The following DGKB variants were observed in gnomAD, a reference collection of about 807,000 sequenced individuals.
DGKB encodes diacylglycerol kinase beta.
Under a neutral mutation model 114.3 loss-of-function variants are expected in DGKB, and 67 were observed. The observed-to-expected ratio is 0.59, with a 90% CI of 0.48 to 0.72. The LOEUF is 0.72. Among genes scored for constraint, DGKB ranks in the 30% least tolerant of loss-of-function variants. DGKB has a pLI of 0.00. For missense variants in DGKB, 907 were observed against 975.2 expected (o/e 0.93, Z 0.93); for synonymous variants, 398 against 323.1 (o/e 1.23, Z -2.49).
intron 1 of DGKB, among the ~76,000 whole-genome samples, chr7:14,850,053 G>C (rs1419232543): frequency 6.6e-6 from 1 of 152,096 alleles, no homozygotes; most frequent in Non-Finnish European, 1.5e-5. Flanking sequence ...TGTCAAAAAA[G>C]ACAACAGAAG....
chr7:14,289,744 CA>C (rs3067647), intron 23 of DGKB, among the ~76,000 whole-genome samples: 3,117 of 126,720 alleles, frequency 0.025, 97 homozygotes, highest in African/African-American at 0.082. Context: ...AGACATGGAC[CA>C]AAAAAAAAAA....
chr7:14,399,847 T>C (rs1822811989), intron 21 of DGKB, among the ~76,000 whole-genome samples: 1 of 151,786 alleles, frequency 6.6e-6, no homozygotes, highest in African/African-American at 2.4e-5. Flanking sequence ...TCTAACAAAA[T>C]GACAAAATGA....
rs184848150 is a variant in DGKB at position 14,547,763 on chromosome 7, A to G, written c.1770+26449T>C. 3.2e-3 allele frequency among the ~76,000 whole-genome samples: 488 copies of G among 152,290 alleles called. 3 individuals carry two copies. The highest frequency in any genetic ancestry group is 0.011 in the African/African-American group (462 of 41,562). Reference sequence around the variant, plus strand: ...AACACATGACAGCTAAAAGCAGGTAAGATTAAATTAGCTATGGAACATTGA... The same window carrying G: ...AACACATGACAGCTAAAAGCAGGTAGGATTAAATTAGCTATGGAACATTGA... On this transcript the variant is annotated intron_variant, in intron 20 of 25. Coordinates refer to ENST00000402815, the MANE Select transcript of DGKB (RefSeq NM_001350709.2).
intron 21 of DGKB, among the ~76,000 whole-genome samples, chr7:14,474,775 A>G (rs998406105): frequency 3.3e-5 from 5 of 151,994 alleles, no homozygotes. Flanking sequence ...AATATTTTAA[A>G]TACCAATATT....
intron 2 of DGKB, among the ~76,000 whole-genome samples, chr7:14,839,407 C>CTTTTTTTT (rs911581318): frequency 7.6e-6 from 1 of 130,948 alleles, no homozygotes; most frequent in Non-Finnish European, 1.6e-5. Context: ...TCTTCTTCTT[C>CTTTTTTTT]TTTTTTTTTT....
Position 14,516,968 on chromosome 7 carries a change from A to G in DGKB, c.1771-38743T>C, listed in dbSNP as rs1195119543. Among the ~76,000 whole-genome samples, 7 of 152,260 alleles carry G rather than the reference A, an allele frequency of 4.6e-5. No homozygotes were observed. The East Asian group carries it at 1.4e-3, about 29-fold the overall frequency. On this transcript the variant is annotated intron_variant, in intron 20 of 25. Transcript: ENST00000402815. ...TAGAAAAAAAAAATTTTAAATTCAT[A>G]CAGAACCAAAAAAGAACCTTAATAG...
chr7:14,664,055 T>A (rs1320501509), intron 13 of DGKB, among the ~76,000 whole-genome samples: 2 of 151,930 alleles, frequency 1.3e-5, no homozygotes, highest in Non-Finnish European at 2.9e-5. Context: ...TTCATTACTG[T>A]CAAGTAATAA....
chr7:14,549,140 G>C (rs1206980205), intron 20 of DGKB, among the ~76,000 whole-genome samples: 1 of 152,158 alleles, frequency 6.6e-6, no homozygotes, highest in African/African-American at 2.4e-5. Flanking sequence ...TAAGACTTGA[G>C]AGAGTGTAAG....
chr7:14,470,112 A>G (rs1192509828), intron 21 of DGKB, among the ~76,000 whole-genome samples: 1 of 151,912 alleles, frequency 6.6e-6, no homozygotes, highest in Non-Finnish European at 1.5e-5. Context: ...TTTCTTCTTT[A>G]AAAACACATC....
intron 1 of DGKB, among the ~76,000 whole-genome samples, chr7:14,854,932 C>G (rs1002383389): frequency 3.4e-4 from 52 of 151,988 alleles, no homozygotes; most frequent in African/African-American, 1.2e-3. Context: ...AAAAAATGAA[C>G]AAATTCTGAA....
intron 13 of DGKB, among the ~76,000 whole-genome samples, chr7:14,651,650 G>A (rs1238661132): frequency 1.4e-5 from 2 of 146,012 alleles, no homozygotes; most frequent in Non-Finnish European, 3.0e-5. Context: ...TCTGGCCAGG[G>A]CAATTAGGCA....
intron 21 of DGKB, among the ~76,000 whole-genome samples, chr7:14,446,111 G>A (rs1024849207): frequency 6.6e-6 from 1 of 151,966 alleles, no homozygotes; most frequent in Non-Finnish European, 1.5e-5. Context: ...GCAATCTCTT[G>A]TTTAGTCAAT....
chr7:14,183,499 A>G (rs1782942318), intron 23 of DGKB, among the ~76,000 whole-genome samples: 1 of 152,234 alleles, frequency 6.6e-6, no homozygotes, highest in South Asian at 2.1e-4. Context: ...TTGTAGGTCT[A>G]TTAATAAAGG....
At chr7:14,974,357 G>C (rs1787668506) in intron 1 of DGKB, among the ~76,000 whole-genome samples, 1 of 152,026 alleles carries the variant, frequency 6.6e-6, no homozygotes, top group Non-Finnish European at 1.5e-5. Context: ...ACAACAAAAA[G>C]ATTTTAAATC....
intron 20 of DGKB, among the ~76,000 whole-genome samples, chr7:14,484,266 A>T (rs1007285704): frequency 1.3e-5 from 2 of 152,172 alleles, no homozygotes; most frequent in Non-Finnish European, 2.9e-5. Flanking sequence ...AAAACTCTAG[A>T]GGTAAAAATT....
intron 23 of DGKB, among the ~76,000 whole-genome samples, chr7:14,264,023 T>C (rs781119694): frequency 3.9e-5 from 6 of 152,100 alleles, no homozygotes; most frequent in Non-Finnish European, 5.9e-5. Context: ...GTTTGAAGTT[T>C]GTAGAGGGAG....
At chr7:14,321,938 T>C (rs1330172317) in intron 23 of DGKB, among the ~76,000 whole-genome samples, 2 of 152,318 alleles carry the variant, frequency 1.3e-5, no homozygotes, top group East Asian at 3.9e-4. Flanking sequence ...ACTGTAAAAA[T>C]GCCAATTGTC....
In DGKB at chr7:14,419,451, C is replaced by T. The variant is rs566036044; in HGVS notation, c.1835+58710G>A. Among the ~76,000 whole-genome samples the T allele has an allele frequency of 1.4e-4, 22 of 151,838 alleles. 1 individual carries two copies. The South Asian group carries it at 4.6e-3, about 32-fold the overall frequency. On this transcript the variant is annotated intron_variant, in intron 21 of 25. Coordinates refer to ENST00000402815, the MANE Select transcript of DGKB (RefSeq NM_001350709.2). ...CTTTGCAAAACTCAGATCATTACTC[C>T]TTTTGGGCTTTTAGTTACAATTAAG...
At chr7:14,803,541 G>A (rs1322284451) in intron 2 of DGKB, among the ~76,000 whole-genome samples, 4 of 151,934 alleles carry the variant, frequency 2.6e-5, no homozygotes, top group Non-Finnish European at 2.9e-5. Flanking sequence ...ATTTTTGGTC[G>A]ATTTTAAAGA....
Sources: allele counts gnomAD v4.1 joint callset (sites outside exome capture counted in the v4.1 genomes callset), GRCh38; gene constraint gnomAD v4.1.1; transcripts MANE v1.5; gene names NCBI Gene and HGNC (gene_info 2026-07-23, HGNC 2026-07-21).